The following MAFG variants were observed in gnomAD, a reference collection of about 807,000 sequenced individuals.
MAFG encodes the protein MAF bZIP transcription factor G, also known as transcription factor MafG.
In MAFG, 3 loss-of-function variants were observed where a neutral mutation model predicts 12.2. The observed-to-expected ratio is 0.25, with a 90% confidence interval of 0.11 to 0.64. MAFG has a LOEUF of 0.64. Among genes scored for constraint, MAFG ranks in the 30% least tolerant of loss-of-function variants. MAFG has a pLI of 0.85. For synonymous variants in MAFG, 126 were observed against 109.1 expected (o/e 1.15, Z -0.96); for missense variants, 153 against 235.5 (o/e 0.65, Z 2.29).
Position 81,926,571 on chromosome 17 carries a change from A to G in MAFG, c.-30+957T>C, listed in dbSNP as rs2040941395. On this transcript the variant is annotated intron_variant, in intron 1 of 2. Transcript: ENST00000357736. The surrounding 1 kb of genome is among the most constrained non-coding windows in gnomAD (Gnocchi z 4.6). Reference sequence around the variant, plus strand: ...CTGTCCAACCAGGCCAGTCCCAGGGAAAGCCGACTTCCCCTTTGGCTAGCT... The same window carrying G: ...CTGTCCAACCAGGCCAGTCCCAGGGGAAGCCGACTTCCCCTTTGGCTAGCT... Among the ~76,000 whole-genome samples the G allele has an allele frequency of 6.6e-6, 1 of 152,108 alleles. No homozygotes were observed. The highest frequency in any genetic ancestry group is 6.5e-5 in the Admixed American group (1 of 15,284).
In MAFG at chr17:81,922,692, G is replaced by C. The variant is rs903135890; in HGVS notation, c.402C>G (p.Ala134=). 2.0e-6 allele frequency: 3 copies of C among 1,509,456 alleles called. No individual in the cohort carries two copies. The highest frequency in any genetic ancestry group is 2.6e-6 in the Non-Finnish European group (3 of 1,133,902). 93.5% of individuals were successfully genotyped at this position (1,509,456 alleles called of 1,614,324 possible). Residue 134 remains alanine (A), a synonymous_variant, in exon 3 of 3, where the codon GCC becomes GCG. Transcript: ENST00000357736. ...CTGGGACGAGGGGCCCCAGGCCGGC[G>C]GCAAGGGGGCCCCGGGCTGGCGCCA... ...SPVAPARGPL[A]AGLGPLVPGK...
At chr17:81,925,143 G>T (rs2040928864) in intron 1 of MAFG, among the ~76,000 whole-genome samples, 1 of 152,218 alleles carries the variant, frequency 6.6e-6, no homozygotes, top group Non-Finnish European at 1.5e-5. Flanking sequence ...AGGAGAAGCT[G>T]CCCCCGCCCT....
intron 1 of MAFG, 29 bp from the exon 2 acceptor site, chr17:81,923,243 T>C: frequency 5.5e-6 from 5 of 907,542 alleles, no homozygotes; most frequent in African/African-American, 2.0e-5. Context: ...GTCAGTACCC[T>C]GGAGACCACC....
At position 81,923,081 on chromosome 17, in the gene MAFG, C is replaced by T. The variant is rs113936042; in HGVS notation, c.37-24G>A. ...ACCTGGGGCACAGTGCAGGTGGTCA[C>T]AGGCCAAGCGGGCACGCCCACTGTG... On this transcript the variant is annotated intron_variant, in intron 2 of 2. Coordinates refer to ENST00000357736, the MANE Select transcript of MAFG (RefSeq NM_002359.4). 6.5e-5 allele frequency: 104 copies of T among 1,608,492 alleles called. No homozygotes were observed. The African/African-American group carries it at 1.1e-3, about 18-fold the overall frequency.
rs2040952554 is a variant in MAFG at position 81,927,632 on chromosome 17, G to A, written c.-134C>T. 6.7e-6 allele frequency: 1 copy of A among 148,216 alleles called. No homozygotes were observed. Among genetic ancestry groups the A allele is most frequent in the East Asian group, 2.0e-4 (1 of 4,972 alleles). The allele number at this position is 148,216 out of a possible 1,614,324, so 9.2% of individuals were successfully genotyped here. ...CGCGAGGGGTCCGGGCCCGGGGCTC[G>A]GAGGACTCGCCGCCTGCGCGGGCCG... On this transcript the variant is annotated 5_prime_UTR_variant, in exon 1 of 3. Transcript: ENST00000357736.
In MAFG at chr17:81,919,149, A is replaced by C. The variant is rs562586073; in HGVS notation, c.*3456T>G. 6.6e-6 allele frequency: 1 copy of C among 152,370 alleles called. No homozygotes were observed. Among genetic ancestry groups the C allele is most frequent in the Admixed American group, 6.5e-5 (1 of 15,314 alleles). 9.4% of individuals were successfully genotyped at this position (152,370 alleles called of 1,614,324 possible). A position where few individuals can be genotyped will look rare whatever the true frequency, so the allele number is the denominator to read the frequency against. ...AGTGGCTTCTGGGGGAAAAATCGTT[A>C]ATGTGTTGGTTCCTTTCACCAAACC... On this transcript the variant is annotated 3_prime_UTR_variant, in exon 3 of 3. Transcript: ENST00000357736.
In MAFG at chr17:81,920,663, A is replaced by C. The variant is rs1021500711; in HGVS notation, c.*1942T>G. On this transcript the variant is annotated 3_prime_UTR_variant, in exon 3 of 3. Transcript: ENST00000357736. ...TGCGCCCCCACAGGGAGGCACCTCC[A>C]GCAGAAGCCAAGCAGCTGATCCCTG... The C allele has an allele frequency of 6.6e-6, 1 of 152,366 alleles. No homozygotes were observed. Among genetic ancestry groups the C allele is most frequent in the African/African-American group, 2.4e-5 (1 of 41,480 alleles). The allele number at this position is 152,366 out of a possible 1,614,324, so 9.4% of individuals were successfully genotyped here.
In MAFG at chr17:81,926,121, G is replaced by C. The variant is rs1251651952; in HGVS notation, c.-30+1407C>G. 1.3e-5 allele frequency among the ~76,000 whole-genome samples: 2 copies of C among 152,008 alleles called. No individual in the cohort carries two copies. The highest frequency in any genetic ancestry group is 6.6e-5 in the Admixed American group (1 of 15,258). ...CTGGGCAAAGGAAGTCAACCTTCGTGAATCTCCACATACCCAAGGAAAGGT... is the reference window on the plus strand; with the variant it reads ...CTGGGCAAAGGAAGTCAACCTTCGTCAATCTCCACATACCCAAGGAAAGGT... On this transcript the variant is annotated intron_variant, in intron 1 of 2. Coordinates refer to ENST00000357736, the MANE Select transcript of MAFG (RefSeq NM_002359.4). This position sits in a 1 kb window ranked among gnomAD's most constrained non-coding sequence, Gnocchi z 4.6.
At position 81,921,043 on chromosome 17, in the gene MAFG, C is replaced by T. The variant is rs1282939429; in HGVS notation, c.*1562G>A. On this transcript the variant is annotated 3_prime_UTR_variant, in exon 3 of 3. Coordinates refer to ENST00000357736, the MANE Select transcript of MAFG (RefSeq NM_002359.4). ...ATAGCCCTGTGGCCACCCACAGTGA[C>T]TCCCTCATCCCTGTAATGCCACCAC... 1 of 152,310 alleles carries T rather than the reference C, an allele frequency of 6.6e-6. No individual in the cohort carries two copies. The highest frequency in any genetic ancestry group is 1.5e-5 in the Non-Finnish European group (1 of 68,112). The allele number at this position is 152,310 out of a possible 1,614,324, so 9.4% of individuals were successfully genotyped here. A position where few individuals can be genotyped will look rare whatever the true frequency, so the allele number is the denominator to read the frequency against.
upstream of MAFG, among the ~76,000 whole-genome samples, chr17:81,929,110 C>G (rs911674560): frequency 6.6e-6 from 1 of 152,252 alleles, no homozygotes; most frequent in Non-Finnish European, 1.5e-5. The surrounding 1 kb of genome is among the most constrained non-coding windows in gnomAD (Gnocchi z 5.7). Flanking sequence ...GCTGTCCCCA[C>G]TCACTCCCAC....
At chr17:81,928,080 G>T (rs1308322790), upstream of MAFG, 1 of 152,156 alleles carries the variant, frequency 6.6e-6, no homozygotes, top group African/African-American at 2.4e-5. The surrounding 1 kb of genome is among the most constrained non-coding windows in gnomAD (Gnocchi z 8.1). Flanking sequence ...GCGCCCCCTC[G>T]AGTGCCGGCC....
upstream of MAFG, among the ~76,000 whole-genome samples, chr17:81,931,050 C>G (rs74006141): frequency 0.067 from 10,228 of 152,266 alleles, 1,168 homozygotes; most frequent in African/African-American, 0.23. Flanking sequence ...CCTGCCTCAC[C>G]TACCTCCCCA....
rs1396538253 is a variant in MAFG, at chr17:81,924,959, C to T, written c.-29-1745G>A. Among the ~76,000 whole-genome samples the T allele has an allele frequency of 6.6e-6, 1 of 152,226 alleles. No homozygotes were observed. The highest frequency in any genetic ancestry group is 1.5e-5 in the Non-Finnish European group (1 of 68,030). On this transcript the variant is annotated intron_variant, in intron 1 of 2. Transcript: ENST00000357736. The surrounding 1 kb of genome is among the most constrained non-coding windows in gnomAD (Gnocchi z 4.7). ...AAAAGTGCCTCCTCGACAGATTTTG[C>T]CCTCCGCAGAAGGCCTGAACTCAGC...
upstream of MAFG, chr17:81,930,295 G>C (rs1048128265): frequency 1.3e-5 from 2 of 152,360 alleles, no homozygotes; most frequent in African/African-American, 4.8e-5. This position sits in a 1 kb window ranked among gnomAD's most constrained non-coding sequence, Gnocchi z 4.1. Flanking sequence ...GGTCAGCCGG[G>C]CACTGAAGAG....
At position 81,923,750 on chromosome 17, in the gene MAFG, C is replaced by T. The variant is rs369987709; in HGVS notation, c.-29-536G>A. On this transcript the variant is annotated intron_variant, in intron 1 of 2. Transcript: ENST00000357736. ...GGGCCAGCCAGTGACCCTGTGTGTG[C>T]ATCTTCCAGGGTCCTACCTTCTACA... Among the ~76,000 whole-genome samples the T allele has an allele frequency of 1.4e-3, 218 of 152,258 alleles. 1 individual carries two copies. Among genetic ancestry groups the T allele is most frequent in the African/African-American group, 5.1e-3 (211 of 41,550 alleles).
Position 81,918,390 on chromosome 17 carries a change from ATAATT to A in MAFG, c.*4210_*4214del, listed in dbSNP as rs1188000103. 6.5e-6 allele frequency: 2 copies of A among 306,174 alleles called. No individual in the cohort carries two copies. Among genetic ancestry groups the A allele is most frequent in the Non-Finnish European group, 1.2e-5 (2 of 165,374 alleles). The allele number at this position is 306,174 out of a possible 1,614,324, so 19.0% of individuals were successfully genotyped here. A position where few individuals can be genotyped will look rare whatever the true frequency, so the allele number is the denominator to read the frequency against. ...GGCCCAGTGCTGCCCCTCCTGGACA[ATAATT>A]TAGCAATAAATACTGCGCAGGGCAG... is the stretch of plus-strand genomic sequence containing the variant. On this transcript the variant is annotated 3_prime_UTR_variant, in exon 3 of 3. Coordinates refer to ENST00000357736, the MANE Select transcript of MAFG (RefSeq NM_002359.4).
At chr17:81,928,123 A>T (rs1472313841), upstream of MAFG, 1 of 151,904 alleles carries the variant, frequency 6.6e-6, no homozygotes, top group African/African-American at 2.4e-5. The surrounding 1 kb of genome is among the most constrained non-coding windows in gnomAD (Gnocchi z 8.1). Flanking sequence ...CTCTTGCGTC[A>T]GGACGGCGCC....
chr17:81,928,331 G>A (rs773614581), upstream of MAFG: 1 of 152,458 alleles, frequency 6.6e-6, no homozygotes, highest in African/African-American at 2.4e-5. This position sits in a 1 kb window ranked among gnomAD's most constrained non-coding sequence, Gnocchi z 8.1. Flanking sequence ...GCGGTAGGGG[G>A]CGAGGACTCG....
At chr17:81,928,199 T>G (rs1016449393), upstream of MAFG, 1 of 152,100 alleles carries the variant, frequency 6.6e-6, no homozygotes, top group Admixed American at 6.5e-5. This position sits in a 1 kb window ranked among gnomAD's most constrained non-coding sequence, Gnocchi z 8.1. Context: ...GCCTGGCAGC[T>G]CCCAGCAGCG....
Sources: gnomAD v4.1 joint callset for allele counts (sites outside exome capture counted in the v4.1 genomes callset) on GRCh38, gnomAD v4.1.1 for gene constraint, Gnocchi (gnomAD v3.1) non-coding constraint, MANE v1.5 for transcripts, NCBI Gene and HGNC (gene_info 2026-07-23, HGNC 2026-07-21) for gene names.